The following USP15 variants were observed in gnomAD, a reference collection of about 807,000 sequenced individuals.
USP15 encodes ubiquitin carboxyl-terminal hydrolase 15.
Under a neutral mutation model 127.1 loss-of-function variants are expected in USP15, and 18 were observed. The observed-to-expected ratio is 0.14, with a 90% CI of 0.10 to 0.21. The LOEUF (loss-of-function observed/expected upper bound fraction) is 0.21, where lower values mean the gene tolerates loss of function less well. Among genes scored for constraint, USP15 ranks in the 10% least tolerant of loss-of-function variants. The pLI is 1.00. For synonymous variants in USP15, 364 were observed against 393.7 expected (o/e 0.92, Z 0.89); for missense variants, 805 against 1,159.9 (o/e 0.69, Z 4.44).
chr12:62,357,446 T>C (rs1051578461), intron 8 of USP15, among the ~76,000 whole-genome samples: 1 of 152,144 alleles, frequency 6.6e-6, no homozygotes, highest in African/African-American at 2.4e-5. Context: ...TTTATTAGAA[T>C]AAATTGATAG....
intron 6 of USP15, among the ~76,000 whole-genome samples, chr12:62,343,412 G>T (rs557679575): frequency 3.3e-5 from 5 of 152,298 alleles, no homozygotes; most frequent in African/African-American, 1.2e-4. Flanking sequence ...CTTTCCAGGG[G>T]AGCGAATGGT....
chr12:62,291,143 G>A (rs1473355249), intron 1 of USP15, among the ~76,000 whole-genome samples: 1 of 152,114 alleles, frequency 6.6e-6, no homozygotes, highest in Non-Finnish European at 1.5e-5. Flanking sequence ...TCACTTGCTG[G>A]ACAAGAGAAG....
intron 8 of USP15, among the ~76,000 whole-genome samples, chr12:62,374,802 T>G (rs1198951441): frequency 1.3e-5 from 2 of 152,106 alleles, no homozygotes. Context: ...CTGAAAATAA[T>G]GGAAGAGCAA....
rs1295715257 is a variant in USP15, at chr12:62,326,590, A to G, written c.683+657A>G. On this transcript the variant is annotated intron_variant, in intron 6 of 21. Transcript: ENST00000280377. ...CAAACACATTAATATTTTTTCAGCA[A>G]ATATTCACACTAAGTGGGATAAATA... 3.9e-5 allele frequency among the ~76,000 whole-genome samples: 6 copies of G among 152,300 alleles called. No homozygotes were observed. In the East Asian group the frequency reaches 9.6e-4, roughly 24 times the overall value.
intron 1 of USP15, among the ~76,000 whole-genome samples, chr12:62,267,441 C>T (rs2063221760): frequency 6.6e-6 from 1 of 151,972 alleles, no homozygotes; most frequent in African/African-American, 2.4e-5. Context: ...AACAGAAAAC[C>T]CCTGTAGGAT....
Position 62,302,827 on chromosome 12 carries a change from T to A in USP15, c.255T>A (p.Asp85Glu). The A allele has an allele frequency of 6.2e-7, 1 of 1,612,366 alleles. No individual in the cohort carries two copies. Among genetic ancestry groups the A allele is most frequent in the Non-Finnish European group, 8.5e-7 (1 of 1,178,848 alleles). ...AGTCACTTAAGGAACACCTTATTGA[T>A]GAATTGGATTACATACTGTTGCCAA... The part of the protein sequence containing the change: ...DAQSLKEHLI[D>E]ELDYILLPTE... The change falls in exon 3 of 22, where the codon GAT (aspartate) becomes GAA (glutamate). Residue 85 changes from aspartate (D) to glutamate (E), a missense_variant. Physicochemically the swap from Asp to Glu is conservative, Grantham distance 45. Coordinates refer to ENST00000280377, the MANE Select transcript of USP15 (RefSeq NM_001252078.2).
chr12:62,314,643 C>G, intron 3 of USP15, 147 bp from the exon 4 acceptor site: 1 of 766,954 alleles, frequency 1.3e-6, no homozygotes, highest in Non-Finnish European at 1.9e-6. Flanking sequence ...TATCCAATAT[C>G]TTTTTTTATA....
chr12:62,363,658 T>A, intron 8 of USP15, among the ~76,000 whole-genome samples: 1 of 151,926 alleles, frequency 6.6e-6, no homozygotes, highest in Non-Finnish European at 1.5e-5. Context: ...CTTCCCCTAC[T>A]CCCAACACAG....
chr12:62,265,879 T>G (rs2063180623), intron 1 of USP15, among the ~76,000 whole-genome samples: 1 of 152,216 alleles, frequency 6.6e-6, no homozygotes, highest in Non-Finnish European at 1.5e-5. Context: ...AAGATTCATT[T>G]TTTAAAAAGT....
intron 7 of USP15, among the ~76,000 whole-genome samples, chr12:62,353,030 C>T (rs2066007487): frequency 6.6e-6 from 1 of 151,818 alleles, no homozygotes; most frequent in Non-Finnish European, 1.5e-5. Context: ...TAGAGGCTAT[C>T]TTTAGGGCCC....
At chr12:62,313,408 A>AT (rs1407126645) in intron 3 of USP15, among the ~76,000 whole-genome samples, 1 of 151,172 alleles carries the variant, frequency 6.6e-6, no homozygotes, top group Non-Finnish European at 1.5e-5. Context: ...TGGTCATTCC[A>AT]TTTTTCTTTT....
intron 1 of USP15, among the ~76,000 whole-genome samples, chr12:62,269,342 G>T (rs1333084760): frequency 6.6e-6 from 1 of 151,612 alleles, no homozygotes; most frequent in East Asian, 1.9e-4. Context: ...ATGTGTGTGT[G>T]TATAAATATA....
intron 21 of USP15, 128 bp downstream of exon 21, chr12:62,401,403 T>A: frequency 1.8e-6 from 1 of 563,392 alleles, no homozygotes; most frequent in Non-Finnish European, 2.9e-6. Flanking sequence ...TAAAAGACAC[T>A]AACTCTTATT....
Position 62,400,842 on chromosome 12 carries a change from T to C in USP15, c.2675-345T>C, listed in dbSNP as rs765117569. On this transcript the variant is annotated intron_variant, in intron 20 of 21. Transcript: ENST00000280377. ...AGAATAATAATGATAATACCTTCTT[T>C]ATGAGACAATACATGTAAAGTGCAT... Among the ~76,000 whole-genome samples the C allele has an allele frequency of 1.8e-4, 27 of 152,212 alleles. No homozygotes were observed. In the Middle Eastern group the frequency reaches 0.014, roughly 77 times the overall value.
At chr12:62,395,179 C>T (rs558746376) in intron 19 of USP15, among the ~76,000 whole-genome samples, 9 of 151,988 alleles carry the variant, frequency 5.9e-5, no homozygotes, top group Admixed American at 2.6e-4. Context: ...TCATATAAAT[C>T]ACTTCCTCTT....
intron 3 of USP15, chr12:62,313,957 A>G: frequency 4.4e-6 from 3 of 678,324 alleles, no homozygotes; most frequent in Non-Finnish European, 5.5e-6. Flanking sequence ...ATATTTGTCT[A>G]ATGGATCACA....
At chr12:62,350,375 A>T (rs919746739) in intron 7 of USP15, among the ~76,000 whole-genome samples, 2 of 152,210 alleles carry the variant, frequency 1.3e-5, no homozygotes, top group African/African-American at 4.8e-5. Context: ...GAGGCATTGT[A>T]GACTAATACG....
chr12:62,279,882 T>A (rs1287075363), intron 1 of USP15, among the ~76,000 whole-genome samples: 2 of 152,220 alleles, frequency 1.3e-5, no homozygotes, highest in Admixed American at 6.5e-5. Context: ...TTGACATATG[T>A]CTTCATATAT....
chr12:62,283,859 T>C (rs1339264866), intron 1 of USP15, among the ~76,000 whole-genome samples: 4 of 152,160 alleles, frequency 2.6e-5, no homozygotes, highest in Admixed American at 6.5e-5. Context: ...CGAGAATTGC[T>C]TGAACCTGGG....
Sources: gnomAD v4.1 joint callset for allele counts (sites outside exome capture counted in the v4.1 genomes callset) on GRCh38, gnomAD v4.1.1 for gene constraint, MANE v1.5 for transcripts, NCBI Gene and HGNC (gene_info 2026-07-23, HGNC 2026-07-21) for gene names.